Variants in LIMS2 observed in about 807,000 individuals in gnomAD.
LIMS2 encodes LIM zinc finger domain containing 2, also known as LIM and senescent cell antigen-like-containing domain protein 2.
LIMS2 carries 30 observed loss-of-function variants against 45.3 expected under a neutral mutation model. The ratio of observed to expected loss-of-function variants is 0.66; its 90% CI spans 0.50 to 0.90. The LOEUF (loss-of-function observed/expected upper bound fraction) is 0.90. Among genes scored for constraint, LIMS2 ranks in the 40% least tolerant of loss-of-function variants. LIMS2 has a pLI of 0.00. For missense variants in LIMS2, 485 were observed against 468.7 expected (o/e 1.03, Z -0.32); for synonymous variants, 173 against 188.0 (o/e 0.92, Z 0.65).
chr2:127,648,544 G>A (rs1279434406), intron 4 of LIMS2, among the ~76,000 whole-genome samples: 1 of 152,136 alleles, frequency 6.6e-6, no homozygotes, highest in Non-Finnish European at 1.5e-5. Flanking sequence ...CTGTGTCCAT[G>A]AACAGTCACC....
chr2:127,663,469 C>T (rs909133262), intron 1 of LIMS2, among the ~76,000 whole-genome samples: 1 of 152,230 alleles, frequency 6.6e-6, no homozygotes, highest in Non-Finnish European at 1.5e-5. Flanking sequence ...TCTTTGATGG[C>T]TCAGTCCTCT....
rs530155178 is a variant in LIMS2 at position 127,654,875 on chromosome 2, C to T, written c.193G>A (p.Glu65Lys). 8.7e-6 allele frequency: 14 copies of T among 1,614,162 alleles called. No homozygotes were observed. Among genetic ancestry groups the T allele is most frequent in the African/African-American group, 5.3e-5 (4 of 75,054 alleles). ...GCAAACAGCATTTGGAAGTCGTGTT[C>T]GCAGTACTTCCGGCCTTCAAACTGC... is the stretch of plus-strand genomic sequence containing the variant. Reference protein sequence around the residue: ...FYEFEGRKYCEHDFQMLFAPC... With the variant: ...FYEFEGRKYCKHDFQMLFAPC... The change falls in exon 3 of 10, where the codon GAA becomes AAA. Residue 65 changes from glutamate to lysine, a missense_variant. Physicochemically the swap from Glu to Lys is moderately conservative, Grantham distance 56 (BLOSUM62 1). Coordinates refer to ENST00000355119, the MANE Select transcript of LIMS2 (RefSeq NM_001161403.3).
rs183425909 is a variant in LIMS2, at chr2:127,668,206, T to C, written c.11+6808A>G. Among the ~76,000 whole-genome samples the C allele has an allele frequency of 1.0e-3, 154 of 152,308 alleles. 1 individual carries two copies. Among genetic ancestry groups the C allele is most frequent in the Non-Finnish European group, 1.4e-3 (96 of 68,024 alleles). ...AATAAAGATATCCCATGTTCATGGA[T>C]TGGAAAACTTAATATTGTTAAGATG... On this transcript the variant is annotated intron_variant, in intron 1 of 9. Transcript: ENST00000355119.
rs59036132 is a variant in LIMS2, at chr2:127,673,494, C to G, written c.11+1520G>C. On this transcript the variant is annotated intron_variant, in intron 1 of 9. Coordinates refer to ENST00000355119, the MANE Select transcript of LIMS2 (RefSeq NM_001161403.3). Reference sequence around the variant, plus strand: ...TGCTCGCCACCACCTGCCTTCCCAGCGGTTCCGGCCGGGCTCACCTGACGG... The same window carrying G: ...TGCTCGCCACCACCTGCCTTCCCAGGGGTTCCGGCCGGGCTCACCTGACGG... Among the ~76,000 whole-genome samples, 26 of 152,296 alleles carry G rather than the reference C, an allele frequency of 1.7e-4. No individual in the cohort carries two copies. In the East Asian group the frequency reaches 4.4e-3, roughly 26 times the overall value.
chr2:127,650,843 C>T, intron 4 of LIMS2: 1 of 1,614,146 alleles, frequency 6.2e-7, no homozygotes. Flanking sequence ...TGTTCGCCTC[C>T]TTCTACCTTC....
At chr2:127,673,668 T>G in intron 1 of LIMS2, 1 of 1,551,282 alleles carries the variant, frequency 6.4e-7, no homozygotes, top group Non-Finnish European at 8.7e-7. Flanking sequence ...AGGAACCGCC[T>G]CTCACCCACC....
intron 1 of LIMS2, among the ~76,000 whole-genome samples, chr2:127,666,637 T>C (rs1685015923): frequency 7.2e-6 from 1 of 138,526 alleles, no homozygotes; most frequent in Non-Finnish European, 1.6e-5. Context: ...TCAGTCTAAA[T>C]TTTCATACTG....
At chr2:127,650,245 G>A (rs573006323) in intron 4 of LIMS2, among the ~76,000 whole-genome samples, 29 of 152,272 alleles carry the variant, frequency 1.9e-4, no homozygotes, top group Admixed American at 1.6e-3. Context: ...CAGGCACTCA[G>A]GATGAACAGA....
intron 4 of LIMS2, 106 bp from the exon 5 acceptor site, chr2:127,643,178 G>C: frequency 8.0e-7 from 1 of 1,246,316 alleles, no homozygotes; most frequent in South Asian, 1.5e-5. Context: ...AGCAGCTGGG[G>C]GCTTCAAAGG....
intron 4 of LIMS2, chr2:127,644,199 C>T (rs892004278): frequency 6.9e-6 from 3 of 434,862 alleles, no homozygotes; most frequent in South Asian, 3.2e-5. Context: ...GCTAAGCTGC[C>T]GACTGGCTCT....
At chr2:127,654,941 C>A in intron 2 of LIMS2, 45 bp from the exon 3 acceptor site, 1 of 1,567,390 alleles carries the variant, frequency 6.4e-7, no homozygotes, top group Non-Finnish European at 8.8e-7. Flanking sequence ...CACCTATCAT[C>A]CCCATGAGCA....
intron 1 of LIMS2, among the ~76,000 whole-genome samples, chr2:127,661,257 C>T (rs1237608039): frequency 6.6e-6 from 1 of 152,220 alleles, no homozygotes; most frequent in South Asian, 2.1e-4. Context: ...CTCACGTTCT[C>T]TTTTGTAAAG....
rs1391037051 is a variant in LIMS2 at position 127,653,700 on chromosome 2, G to A, written c.359+724C>T. Among the ~76,000 whole-genome samples the A allele has an allele frequency of 2.0e-5, 3 of 152,050 alleles. No homozygotes were observed. On this transcript the variant is annotated intron_variant, in intron 4 of 9. Transcript: ENST00000355119. The surrounding 1 kb of genome is among the most constrained non-coding windows in gnomAD (Gnocchi z 5.3). ...TCTGCACCTCAGCAGCTGTGGTGAG[G>A]GCTGCTGAGGGGTCAAGAGGAGGTG...
Position 127,664,415 on chromosome 2 carries a change from C to T in LIMS2, c.12-6853G>A. On this transcript the variant is annotated intron_variant, in intron 1 of 9. Coordinates refer to ENST00000355119, the MANE Select transcript of LIMS2 (RefSeq NM_001161403.3). The surrounding 1 kb of genome is among the most constrained non-coding windows in gnomAD (Gnocchi z 5.5). ...GCGCGGGGCAGCCGCCTTGAGGTCG[C>T]GGGCGCGGGCCGCCTGGTGCAGGGG... 1.7e-6 allele frequency: 2 copies of T among 1,194,590 alleles called. No individual in the cohort carries two copies. The highest frequency in any genetic ancestry group is 2.1e-6 in the Non-Finnish European group (2 of 963,962). 74.0% of individuals were successfully genotyped at this position (1,194,590 alleles called of 1,614,324 possible).
intron 1 of LIMS2, among the ~76,000 whole-genome samples, chr2:127,663,626 G>GGCCC (rs1684818062): frequency 3.7e-5 from 5 of 136,382 alleles, no homozygotes; most frequent in South Asian, 4.7e-4. Context: ...CTCCCTCCCT[G>GGCCC]CCCCCCCGCC....
Position 127,653,922 on chromosome 2 carries a change from G to A in LIMS2, c.359+502C>T, listed in dbSNP as rs573189529. ...TGAACAGGGCTCACAGACAGAGGCCGGGCTGCACGGGATCTCAGAGCTAGG... is the reference window on the plus strand; with the variant it reads ...TGAACAGGGCTCACAGACAGAGGCCAGGCTGCACGGGATCTCAGAGCTAGG... On this transcript the variant is annotated intron_variant, in intron 4 of 9. Transcript: ENST00000355119. This position sits in a 1 kb window ranked among gnomAD's most constrained non-coding sequence, Gnocchi z 5.3. 1.1e-4 allele frequency among the ~76,000 whole-genome samples: 16 copies of A among 152,226 alleles called. No individual in the cohort carries two copies. Among genetic ancestry groups the A allele is most frequent in the African/African-American group, 2.9e-4 (12 of 41,536 alleles).
chr2:127,644,075 C>T, intron 4 of LIMS2: 1 of 456,574 alleles, frequency 2.2e-6, no homozygotes, highest in Non-Finnish European at 4.4e-6. Context: ...GGACCTGCTA[C>T]TGCTGGGTGT....
upstream of LIMS2, among the ~76,000 whole-genome samples, chr2:127,677,102 G>T (rs1312152043): frequency 6.6e-6 from 1 of 152,238 alleles, no homozygotes; most frequent in Non-Finnish European, 1.5e-5. This position sits in a 1 kb window ranked among gnomAD's most constrained non-coding sequence, Gnocchi z 5.0. Context: ...GCATGGCTTA[G>T]CCCTGCTGGA....
Position 127,658,101 on chromosome 2 carries a change from T to C in LIMS2, c.12-539A>G, listed in dbSNP as rs564857078. Among the ~76,000 whole-genome samples, 4 of 152,294 alleles carry C rather than the reference T, an allele frequency of 2.6e-5. No homozygotes were observed. In the South Asian group the frequency reaches 6.2e-4, roughly 24 times the overall value. ...AACACAGAGCAGGCAAGAGGGTAGC[T>C]GGGTGCGTGTGCAGAATGGCTCAAG... On this transcript the variant is annotated intron_variant, in intron 1 of 9. Transcript: ENST00000355119.
Sources: allele counts gnomAD v4.1 joint callset (sites outside exome capture counted in the v4.1 genomes callset), GRCh38; gene constraint gnomAD v4.1.1; non-coding constraint Gnocchi (gnomAD v3.1); transcripts MANE v1.5; gene names NCBI Gene and HGNC (gene_info 2026-07-23, HGNC 2026-07-21).